Variants in HECW2 observed in about 807,000 individuals in gnomAD.
The protein encoded by HECW2 is HECT, C2 and WW domain containing E3 ubiquitin protein ligase 2.
A neutral mutation model predicts 175.2 loss-of-function variants in HECW2; 61 were observed. That is an observed-to-expected ratio of 0.35 (90% CI 0.28 to 0.43). The LOEUF (loss-of-function observed/expected upper bound fraction) is 0.43, where lower values mean the gene tolerates loss of function less well. HECW2 is among the 20% of genes least tolerant of loss of function. The pLI, the probability that HECW2 is intolerant of heterozygous loss-of-function variation, is 1.00. For missense variants in HECW2, 1,524 were observed against 2,000.5 expected (o/e 0.76, Z 4.54); for synonymous variants, 671 against 731.0 (o/e 0.92, Z 1.32).
chr2:196,473,596 T>C (rs1412492939), intron 1 of HECW2, among the ~76,000 whole-genome samples: 5 of 152,140 alleles, frequency 3.3e-5, no homozygotes, highest in African/African-American at 1.2e-4. Context: ...TCAAAAAATA[T>C]CTTGAACTAG....
At chr2:196,262,379 T>C (rs891530849) in intron 17 of HECW2, among the ~76,000 whole-genome samples, 7 of 152,134 alleles carry the variant, frequency 4.6e-5, no homozygotes, top group Non-Finnish European at 1.0e-4. Context: ...GGTAATATAA[T>C]GAAGATTAAG....
At chr2:196,419,709 G>A (rs771782135) in intron 2 of HECW2, among the ~76,000 whole-genome samples, 1 of 152,200 alleles carries the variant, frequency 6.6e-6, no homozygotes, top group Non-Finnish European at 1.5e-5. Flanking sequence ...GGGGATGTGT[G>A]TAGTGGGGTG....
At chr2:196,259,851 C>A (rs556986154) in intron 17 of HECW2, among the ~76,000 whole-genome samples, 161 of 152,278 alleles carry the variant, frequency 1.1e-3, no homozygotes, top group African/African-American at 3.5e-3. Flanking sequence ...CAAAGAACTA[C>A]TCTTATAAGG....
At chr2:196,232,842 C>G (rs1281707056) in intron 21 of HECW2, among the ~76,000 whole-genome samples, 2 of 152,156 alleles carry the variant, frequency 1.3e-5, no homozygotes, top group African/African-American at 4.8e-5. Context: ...ACAGAGCTAA[C>G]AGTTAGTTCC....
chr2:196,234,355 G>A (rs1029167898), intron 21 of HECW2, among the ~76,000 whole-genome samples: 8 of 151,332 alleles, frequency 5.3e-5, no homozygotes, highest in African/African-American at 1.5e-4. Flanking sequence ...TGGCACAATC[G>A]TAGCTCACTG....
intron 1 of HECW2, among the ~76,000 whole-genome samples, chr2:196,458,863 TCAACAA>T (rs932591793): frequency 6.6e-6 from 1 of 150,858 alleles, no homozygotes; most frequent in Non-Finnish European, 1.5e-5. Context: ...AGACTCTGTC[TCAACAA>T]CAACAACAAC....
chr2:196,484,847 A>C (rs753884238), intron 1 of HECW2, among the ~76,000 whole-genome samples: 1 of 152,228 alleles, frequency 6.6e-6, no homozygotes, highest in African/African-American at 2.4e-5. Context: ...CTTGAAAACT[A>C]TGAAAGTGAT....
chr2:196,469,123 G>GTGTGTGCA (rs1697089192), intron 1 of HECW2, among the ~76,000 whole-genome samples: 2 of 86,676 alleles, frequency 2.3e-5, no homozygotes, highest in African/African-American at 1.5e-4. Flanking sequence ...GTGTGTGCGT[G>GTGTGTGCA]TGTGTGTGTG....
chr2:196,242,536 A>G (rs185137102), intron 19 of HECW2: 1 of 254,608 alleles, frequency 3.9e-6, no homozygotes, highest in East Asian at 9.2e-5. Context: ...TGTTAGGATG[A>G]AATGTCTTTG....
chr2:196,299,791 T>C (rs1690965319), intron 13 of HECW2, among the ~76,000 whole-genome samples: 1 of 151,844 alleles, frequency 6.6e-6, no homozygotes, highest in Admixed American at 6.6e-5. Context: ...TAGCCGGGCG[T>C]GGTGGCGGGC....
At chr2:196,547,293 C>T (rs1689456969) in intron 1 of HECW2, among the ~76,000 whole-genome samples, 1 of 152,080 alleles carries the variant, frequency 6.6e-6, no homozygotes, top group African/African-American at 2.4e-5. Context: ...GAACAGGACC[C>T]TAGGAGGGAT....
Position 196,322,470 on chromosome 2 carries a change from C to CTGA in HECW2, c.884+5_884+7dup, listed in dbSNP as rs1691985737. ...TCAACAAGATCCCCAAAGGTAAGGG[C>CTGA]TGATTACCCGATGGCTTGTCGCTCC... On this transcript the variant is annotated splice_region_variant and intron_variant, in intron 7 of 28. Coordinates refer to ENST00000644978, the MANE Select transcript of HECW2 (RefSeq NM_001348768.2). The CTGA allele has an allele frequency of 1.2e-6, 2 of 1,612,220 alleles. No individual in the cohort carries two copies. Among genetic ancestry groups the CTGA allele is most frequent in the Non-Finnish European group, 1.7e-6 (2 of 1,179,342 alleles).
intron 1 of HECW2, among the ~76,000 whole-genome samples, chr2:196,586,307 G>A (rs908712283): frequency 3.3e-5 from 5 of 152,130 alleles, no homozygotes; most frequent in African/African-American, 1.2e-4. Context: ...CACGGGCTAA[G>A]CATATGACTT....
intron 5 of HECW2, among the ~76,000 whole-genome samples, chr2:196,327,516 A>G (rs535505009): frequency 6.6e-6 from 1 of 152,352 alleles, no homozygotes; most frequent in East Asian, 1.9e-4. Context: ...ATTAATGAAA[A>G]TACATTTTTA....
At chr2:196,414,894 C>T (rs184223719) in intron 2 of HECW2, among the ~76,000 whole-genome samples, 154 of 152,272 alleles carry the variant, frequency 1.0e-3, no homozygotes, top group African/African-American at 3.5e-3. Context: ...AGGTGTGGGT[C>T]GGATATCAGT....
chr2:196,319,340 T>G lies in HECW2; in HGVS notation c.1550A>C (p.Glu517Ala). 6.2e-7 allele frequency: 1 copy of G among 1,614,146 alleles called. No homozygotes were observed. Among genetic ancestry groups the G allele is most frequent in the Non-Finnish European group, 8.5e-7 (1 of 1,180,020 alleles). The change falls in exon 9 of 29, where the codon GAA becomes GCA. Residue 517 changes from glutamate to alanine, a missense_variant. Around this residue, in one of 11 missense-constraint regions of HECW2, gnomAD observed 604 missense variants for 588.3 expected, o/e 1.03. Transcript: ENST00000644978. ...KLEDNPVENE[E>A]ASTHEAASFE... ...GGAAGCAGCTTCGTGTGTGGAGGCT[T>G]CCTCATTCTCAACAGGGTTGTCCTC...
At chr2:196,225,446 T>C (rs2105831226) in intron 23 of HECW2, among the ~76,000 whole-genome samples, 1 of 152,338 alleles carries the variant, frequency 6.6e-6, no homozygotes, top group South Asian at 2.1e-4. Flanking sequence ...ATTCTATTAA[T>C]AATCTGCATT....
chr2:196,299,753 C>T (rs1219754764), intron 13 of HECW2, among the ~76,000 whole-genome samples: 2 of 152,090 alleles, frequency 1.3e-5, no homozygotes, highest in African/African-American at 4.8e-5. Flanking sequence ...CATGGTGAAA[C>T]CCCGTCTCTA....
chr2:196,345,564 G>T (rs1351475374), intron 2 of HECW2, among the ~76,000 whole-genome samples: 1 of 152,198 alleles, frequency 6.6e-6, no homozygotes, highest in Non-Finnish European at 1.5e-5. Flanking sequence ...AGATGGCAGA[G>T]CAAGAAGCAA....
Sources: gnomAD v4.1 joint callset for allele counts (sites outside exome capture counted in the v4.1 genomes callset) on GRCh38, gnomAD v4.1.1 for gene constraint, gnomAD v4.1.1 regional missense constraint, MANE v1.5 for transcripts, NCBI Gene and HGNC (gene_info 2026-07-23, HGNC 2026-07-21) for gene names.